MID1: variants seen among roughly 807,000 people sequenced by gnomAD.
MID1 encodes the protein midline 1, also known as E3 ubiquitin-protein ligase Midline-1.
In MID1, 7 loss-of-function variants were observed where a neutral mutation model predicts 40.4. That is an observed-to-expected ratio of 0.17 (90% CI 0.10 to 0.33). MID1 has a LOEUF of 0.33. Among genes scored for constraint, MID1 ranks in the 10% least tolerant of loss-of-function variants. The pLI is 1.00. For missense variants in MID1, 367 were observed against 558.5 expected (o/e 0.66, Z 3.46); for synonymous variants, 229 against 221.2 (o/e 1.04, Z -0.31).
chrX:10,765,485 G>T (rs1056279537), intron 1 of MID1, among the ~76,000 whole-genome samples: 4 of 112,472 alleles, frequency 3.6e-5, no homozygotes, highest in Non-Finnish European at 7.5e-5. Flanking sequence ...GATTGATCAA[G>T]CCATGGGGTT....
At chrX:10,803,661 A>G (rs925805902) in intron 1 of MID1, among the ~76,000 whole-genome samples, 7 of 111,503 alleles carry the variant, frequency 6.3e-5, no homozygotes, top group Admixed American at 5.7e-4. Flanking sequence ...AGCTGTTACT[A>G]TATTTTCAAG....
At chrX:10,470,832 C>A (rs1929666260) in intron 6 of MID1, among the ~76,000 whole-genome samples, 1 of 111,868 alleles carries the variant, frequency 8.9e-6, no homozygotes, top group African/African-American at 3.3e-5. Flanking sequence ...AGTATGTGAG[C>A]AAGGAAAATA....
At chrX:10,748,213 C>A (rs1424875903) in intron 1 of MID1, among the ~76,000 whole-genome samples, 1 of 111,416 alleles carries the variant, frequency 9.0e-6, no homozygotes, top group East Asian at 2.8e-4. Context: ...TCTCAGGCCC[C>A]AGCCCATCTA....
In MID1 at chrX:10,592,197, G is replaced by A. The variant is rs1194032801; in HGVS notation, c.-56-24594C>T. ...TATGTGTGTGTGTCCATTAAAAAAA[G>A]TTCCTCAAAACTGCTGAATGAAAAT... On this transcript the variant is annotated intron_variant, in intron 1 of 9. Coordinates refer to ENST00000317552, the MANE Select transcript of MID1 (RefSeq NM_000381.4). Among the ~76,000 whole-genome samples the A allele has an allele frequency of 3.5e-5, 3 of 85,707 alleles. No individual in the cohort carries two copies. The East Asian group carries it at 1.3e-3, about 36-fold the overall frequency. The allele number at this position is 85,707 out of a possible 115,157, so 74.4% of individuals were successfully genotyped here.
chrX:10,786,805 CG>C (rs60430522), intron 1 of MID1, among the ~76,000 whole-genome samples: 1,184 of 66,270 alleles, frequency 0.018, 35 homozygotes, highest in African/African-American at 0.072. Context: ...CATCACACAC[CG>C]GGGCCTGTTG....
intron 1 of MID1, among the ~76,000 whole-genome samples, chrX:10,758,483 CTTTTTTTT>C (rs1157401550): frequency 4.7e-5 from 3 of 63,871 alleles, no homozygotes; most frequent in African/African-American, 1.6e-4. Context: ...CTTTTCTTTC[CTTTTTTTT>C]TTTTTTTTTT....
At chrX:10,521,078 G>A (rs1271524743) in intron 3 of MID1, among the ~76,000 whole-genome samples, 4 of 96,869 alleles carry the variant, frequency 4.1e-5, no homozygotes, top group African/African-American at 1.5e-4. Flanking sequence ...GAACTGGCAC[G>A]TCACATGGCG....
At chrX:10,466,327 A>ATACAT in intron 7 of MID1, among the ~76,000 whole-genome samples, 1 of 112,361 alleles carries the variant, frequency 8.9e-6, no homozygotes, top group East Asian at 2.8e-4. Flanking sequence ...TGAAGACAAA[A>ATACAT]TACATTAATT....
At chrX:10,807,244 C>A (rs775893699) in intron 1 of MID1, among the ~76,000 whole-genome samples, 154 of 98,697 alleles carry the variant, frequency 1.6e-3, no homozygotes, top group African/African-American at 4.8e-3. Flanking sequence ...GGCTCTGTTT[C>A]AAAAAAAAAA....
At chrX:10,704,924 C>A (rs770699407) in intron 1 of MID1, among the ~76,000 whole-genome samples, 4 of 108,373 alleles carry the variant, frequency 3.7e-5, no homozygotes, top group African/African-American at 1.3e-4. Flanking sequence ...CCACCACGCC[C>A]GGCTAATTTT....
intron 1 of MID1, among the ~76,000 whole-genome samples, chrX:10,640,456 C>T (rs1160915653): frequency 1.8e-5 from 2 of 111,030 alleles, no homozygotes; most frequent in Admixed American, 1.9e-4. Context: ...ATTCAACAAG[C>T]AGAGCTAACT....
intron 2 of MID1, among the ~76,000 whole-genome samples, chrX:10,537,956 C>T (rs1395798281): frequency 9.1e-6 from 1 of 110,271 alleles, no homozygotes; most frequent in African/African-American, 3.3e-5. Flanking sequence ...TTCTCCCCAC[C>T]TTCCCTTTAT....
rs187110846 is a variant in MID1, at chrX:10,815,538, T to G, written c.-187+18016A>C. Among the ~76,000 whole-genome samples the G allele has an allele frequency of 1.4e-3, 156 of 112,362 alleles. No homozygotes were observed. In the Middle Eastern group the frequency reaches 0.018, roughly 13 times the overall value. On this transcript the variant is annotated intron_variant, in intron 1 of 10. Coordinates refer to the MID1 transcript ENST00000380785. The stretch of plus-strand genomic sequence containing the variant: ...TTACGTGGCTTCTTCACTCAAAACT[T>G]GAGACTGCCTCACAGCATGGGCAAG...
intron 1 of MID1, among the ~76,000 whole-genome samples, chrX:10,618,568 T>C (rs1176993810): frequency 8.9e-6 from 1 of 112,237 alleles, no homozygotes; most frequent in African/African-American, 3.2e-5. Context: ...AGCTGTGAGA[T>C]GAAAAGTTGC....
chrX:10,569,056 ACAAT>A (rs1030660307), intron 1 of MID1, among the ~76,000 whole-genome samples: 4 of 111,833 alleles, frequency 3.6e-5, no homozygotes, highest in Non-Finnish European at 5.6e-5. Context: ...AGTGATTCTG[ACAAT>A]CAATCGTTTG....
At chrX:10,776,969 G>A (rs1489327301) in intron 1 of MID1, among the ~76,000 whole-genome samples, 1 of 111,401 alleles carries the variant, frequency 9.0e-6, no homozygotes, top group African/African-American at 3.3e-5. Context: ...TGCTGGGAAT[G>A]CATAGATGGA....
At chrX:10,543,795 A>G (rs1933570718) in intron 2 of MID1, among the ~76,000 whole-genome samples, 1 of 110,801 alleles carries the variant, frequency 9.0e-6, no homozygotes, top group Non-Finnish European at 1.9e-5. Context: ...GTGAGCTGAG[A>G]TTATGCCATT....
intron 1 of MID1, among the ~76,000 whole-genome samples, chrX:10,661,375 C>G (rs752860379): frequency 9.3e-6 from 1 of 107,334 alleles, no homozygotes; most frequent in South Asian, 4.2e-4. Flanking sequence ...TGCAGTGGTG[C>G]GATCTCGGCT....
At chrX:10,829,677 T>A (rs1317006959) in intron 1 of MID1, among the ~76,000 whole-genome samples, 1 of 111,920 alleles carries the variant, frequency 8.9e-6, no homozygotes, top group African/African-American at 3.2e-5. Context: ...GTCATAGTCC[T>A]GACTATCACC....
Sources: gnomAD v4.1 joint callset for allele counts (sites outside exome capture counted in the v4.1 genomes callset) on GRCh38, gnomAD v4.1.1 for gene constraint, MANE v1.5 for transcripts, NCBI Gene and HGNC (gene_info 2026-07-23, HGNC 2026-07-21) for gene names.